The following ATP1B4 variants were observed in gnomAD, a reference collection of about 807,000 sequenced individuals.
ATP1B4 encodes ATPase Na+/K+ transporting family member beta 4.
ATP1B4 carries 32 observed loss-of-function variants against 29.6 expected under a neutral mutation model. The observed-to-expected ratio is 1.08, with a 90% CI of 0.82 to 1.45. ATP1B4 has a LOEUF of 1.45. Among genes scored for constraint, ATP1B4 ranks in the 40% most tolerant of loss-of-function variants. The pLI is 0.00. For synonymous variants in ATP1B4, 127 were observed against 102.1 expected, an observed-to-expected ratio of 1.24 and a Z score of -1.47; for missense variants, 323 against 276.2, an observed-to-expected ratio of 1.17 and a Z score of -1.20.
chrX:120,378,820 A>G (rs1487149400), intron 7 of ATP1B4, 47 bp downstream of exon 7: 1 of 1,073,484 alleles, frequency 9.3e-7, no homozygotes, highest in Admixed American at 2.2e-5. Flanking sequence ...GGGCTCAGTG[A>G]CAAAAGAAGA....
intron 2 of ATP1B4, among the ~76,000 whole-genome samples, chrX:120,368,678 C>T (rs978274392): frequency 8.9e-6 from 1 of 111,769 alleles, no homozygotes; most frequent in Non-Finnish European, 1.9e-5. Context: ...CAGAACACTG[C>T]CCCATTTCAT....
rs139706561 is a variant in ATP1B4 at position 120,366,864 on chromosome X, T to C, written c.328+75T>C. The stretch of plus-strand genomic sequence containing the variant: ...TGTGGTGTTCAGGGCTCCTTTACCA[T>C]ACGCTGGATGGGCTTGTCTGCAAAC... On this transcript the variant is annotated intron_variant, in intron 2 of 7. Coordinates refer to ENST00000218008, the MANE Select transcript of ATP1B4 (RefSeq NM_001142447.3). The C allele has an allele frequency of 1.5e-4, 172 of 1,147,285 alleles. 1 individual carries two copies. The African/African-American group carries it at 2.9e-3, about 19-fold the overall frequency. The allele number at this position is 1,147,285 out of a possible 1,213,427, so 94.5% of individuals were successfully genotyped here. A position where few individuals can be genotyped will look rare whatever the true frequency, so the allele number is the denominator to read the frequency against.
In ATP1B4 at chrX:120,382,025, G is replaced by A. The variant is rs1285186342; in HGVS notation, c.*2391G>A. The A allele has an allele frequency of 8.9e-6, 1 of 111,951 alleles. No individual in the cohort carries two copies. Among genetic ancestry groups the A allele is most frequent in the Non-Finnish European group, 1.9e-5 (1 of 53,213 alleles). The allele number at this position is 111,951 out of a possible 1,213,427, so 9.2% of individuals were successfully genotyped here. On this transcript the variant is annotated 3_prime_UTR_variant, in exon 8 of 8. Coordinates refer to ENST00000218008, the MANE Select transcript of ATP1B4 (RefSeq NM_001142447.3). ...AAACACATGTAGGGTTGGTGAGAAG[G>A]AAAGATGAGAACAAAAGCAACATTG...
intron 6 of ATP1B4, 55 bp downstream of exon 6, chrX:120,376,491 T>G: frequency 9.3e-7 from 1 of 1,074,744 alleles, no homozygotes; most frequent in Admixed American, 2.2e-5. Flanking sequence ...TGCAAAAAGG[T>G]AGTCCATCAC....
chrX:120,370,958 A>G (rs2147251470), intron 3 of ATP1B4, 115 bp downstream of exon 3: 9 of 1,059,329 alleles, frequency 8.5e-6, no homozygotes, highest in Admixed American at 7.5e-5. Flanking sequence ...TAGAGATTCA[A>G]TTATTAGGAG....
chrX:120,362,415 A>C (rs763643345), intron 1 of ATP1B4, among the ~76,000 whole-genome samples, 184 bp downstream of exon 1: 11 of 111,351 alleles, frequency 9.9e-5, no homozygotes. Flanking sequence ...GGGCACCCTA[A>C]ACTGCTGGAT....
intron 4 of ATP1B4, among the ~76,000 whole-genome samples, chrX:120,373,710 C>T (rs1009670423): frequency 8.9e-6 from 1 of 112,256 alleles, no homozygotes; most frequent in Non-Finnish European, 1.9e-5. Flanking sequence ...ACACATGTTA[C>T]ATTCCATCCA....
At position 120,374,453 on chromosome X, in the gene ATP1B4, C is replaced by A. The variant is rs777390417; in HGVS notation, c.563-919C>A. Among the ~76,000 whole-genome samples, 4 of 97,925 alleles carry A rather than the reference C, an allele frequency of 4.1e-5. No individual in the cohort carries two copies. The South Asian group carries it at 1.9e-3, about 46-fold the overall frequency. 85.0% of individuals were successfully genotyped at this position (97,925 alleles called of 115,157 possible). ...TAACCCAGGATATACCATATATATA[C>A]CCTTATATATACCAGGATATACCCT... On this transcript the variant is annotated intron_variant, in intron 4 of 7. Coordinates refer to ENST00000218008, the MANE Select transcript of ATP1B4 (RefSeq NM_001142447.3).
Position 120,376,509 on chromosome X carries a change from G to T in ATP1B4, c.816+73G>T, listed in dbSNP as rs2058356897. ...AAAAAGGTAGTCCATCACTTTCAAG[G>T]ACTTACACATGGATGGTAGGCTAAG... On this transcript the variant is annotated intron_variant, in intron 6 of 7. Transcript: ENST00000218008. The T allele has an allele frequency of 2.3e-5, 21 of 923,903 alleles. No homozygotes were observed. The East Asian group carries it at 6.5e-4, about 29-fold the overall frequency. 76.1% of individuals were successfully genotyped at this position (923,903 alleles called of 1,213,427 possible).
chrX:120,374,514 A>G (rs990523110), intron 4 of ATP1B4, among the ~76,000 whole-genome samples: 2 of 80,766 alleles, frequency 2.5e-5, no homozygotes, highest in Non-Finnish European at 4.6e-5. Context: ...ATACCCTTAT[A>G]TATACCATAT....
At chrX:120,372,534 C>A (rs893606942) in intron 4 of ATP1B4, among the ~76,000 whole-genome samples, 1 of 111,991 alleles carries the variant, frequency 8.9e-6, no homozygotes, top group Non-Finnish European at 1.9e-5. Flanking sequence ...TTTGAATCCA[C>A]ATTTCTTGTT....
At chrX:120,375,262 A>G (rs747309362) in intron 4 of ATP1B4, 110 bp from the exon 5 acceptor site, 2 of 656,456 alleles carry the variant, frequency 3.0e-6, no homozygotes, top group South Asian at 2.9e-5. Flanking sequence ...CTTTCAGAGG[A>G]GTACAAACAA....
intron 2 of ATP1B4, among the ~76,000 whole-genome samples, chrX:120,367,798 A>T (rs1569353350): frequency 8.9e-6 from 1 of 111,781 alleles, no homozygotes; most frequent in African/African-American, 3.3e-5. Context: ...AGTCAAGGTG[A>T]CACACTAAGC....
At chrX:120,375,960 A>G (rs2058352601) in intron 5 of ATP1B4, among the ~76,000 whole-genome samples, 1 of 111,587 alleles carries the variant, frequency 9.0e-6, no homozygotes, top group African/African-American at 3.3e-5. Flanking sequence ...AAGTATTTTA[A>G]ATAAAGAATG....
At position 120,379,582 on chromosome X, in the gene ATP1B4, T is replaced by C; in HGVS notation, c.1022T>C (p.Ile341Thr). 3 of 1,211,039 alleles carry C rather than the reference T, an allele frequency of 2.5e-6. No individual in the cohort carries two copies. The highest frequency in any genetic ancestry group is 2.3e-4 in the Middle Eastern group (1 of 4,348). The part of the protein sequence containing the change: ...LKGKGVINDV[I>T]NDRFVGRVIF... ...GGCAAAGGCGTCATAAATGATGTCA[T>C]CAATGATCGTTTTGTGGGCAGGGTA... Residue 341 changes from isoleucine to threonine, a missense_variant, in exon 8 of 8, where the codon ATC (isoleucine) becomes ACC (threonine). Transcript: ENST00000218008.
intron 2 of ATP1B4, among the ~76,000 whole-genome samples, chrX:120,369,532 C>G (rs1455893510): frequency 8.9e-6 from 1 of 111,971 alleles, no homozygotes; most frequent in African/African-American, 3.3e-5. Flanking sequence ...TAATTCAGTT[C>G]AAATCTGTAG....
Position 120,376,449 on chromosome X carries a change from T to C in ATP1B4, c.816+13T>C. 8.3e-7 allele frequency: 1 copy of C among 1,198,257 alleles called. No individual in the cohort carries two copies. Among genetic ancestry groups the C allele is most frequent in the Non-Finnish European group, 1.1e-6 (1 of 883,532 alleles). Reference sequence around the variant, plus strand: ...CTGCAAAGTTCAGGTAAAGAGTCCTTTTGAGTAAGCATTGTTAGCACATCT... The same window carrying C: ...CTGCAAAGTTCAGGTAAAGAGTCCTCTTGAGTAAGCATTGTTAGCACATCT... On this transcript the variant is annotated intron_variant, in intron 6 of 7. Transcript: ENST00000218008.
intron 4 of ATP1B4, among the ~76,000 whole-genome samples, chrX:120,372,892 GA>G (rs2058320931): frequency 8.9e-6 from 1 of 112,046 alleles, no homozygotes; most frequent in African/African-American, 3.2e-5. Flanking sequence ...TTTAGCTACA[GA>G]AATGTTTTGG....
In ATP1B4 at chrX:120,378,736, A is replaced by T; in HGVS notation, c.875A>T (p.Asp292Val). 8.3e-7 allele frequency: 1 copy of T among 1,209,421 alleles called. No individual in the cohort carries two copies. The highest frequency in any genetic ancestry group is 1.8e-5 in the South Asian group (1 of 56,848). ...TACTACCCAGAGTCGGCTTCTTTTG[A>T]CCTCCGCTACTACCCTTACTACGGC... The part of the protein sequence containing the change: ...ISYYPESASF[D>V]LRYYPYYGKL... Residue 292 changes from aspartate (D) to valine (V), a missense_variant, in exon 7 of 8, where the codon GAC becomes GTC. Transcript: ENST00000218008.
Sources: allele counts gnomAD v4.1 joint callset (sites outside exome capture counted in the v4.1 genomes callset), GRCh38; gene constraint gnomAD v4.1.1; transcripts MANE v1.5; gene names NCBI Gene and HGNC (gene_info 2026-07-23, HGNC 2026-07-21).